DACH2: variants seen among roughly 807,000 people sequenced by gnomAD.
DACH2 encodes dachshund homolog 2.
DACH2 carries 17 observed loss-of-function variants against 35.8 expected under a neutral mutation model. The observed-to-expected ratio is 0.48, with a 90% CI of 0.33 to 0.71. The LOEUF is 0.71. Ranked by LOEUF, DACH2 falls within the 30% of genes least tolerant of loss-of-function variation. DACH2 has a pLI of 0.02. For missense variants in DACH2, 469 were observed against 472.7 expected (o/e 0.99, Z 0.07); for synonymous variants, 195 against 177.3 (o/e 1.10, Z -0.79).
chrX:86,685,859 T>G (rs1230558423), intron 4 of DACH2, among the ~76,000 whole-genome samples: 1 of 111,410 alleles, frequency 9.0e-6, no homozygotes, highest in Non-Finnish European at 1.9e-5. Flanking sequence ...CCCATGATCC[T>G]AACACCTTCC....
intron 1 of DACH2, among the ~76,000 whole-genome samples, chrX:86,206,123 A>G (rs775844841): frequency 7.6e-4 from 85 of 111,448 alleles, no homozygotes; most frequent in Non-Finnish European, 1.3e-3. Context: ...TGTGTGAAGA[A>G]CCAAACCCTG....
At chrX:86,699,644 G>A (rs2041116222) in intron 5 of DACH2, among the ~76,000 whole-genome samples, 1 of 111,452 alleles carries the variant, frequency 9.0e-6, no homozygotes, top group East Asian at 2.8e-4. Flanking sequence ...TGGGGAAACA[G>A]AGCCAAACCA....
chrX:86,187,310 T>A (rs1214192096), intron 1 of DACH2, among the ~76,000 whole-genome samples: 1 of 111,528 alleles, frequency 9.0e-6, no homozygotes, highest in East Asian at 2.8e-4. Context: ...TTAGATATAA[T>A]CTCTATTTCA....
chrX:86,322,125 A>T (rs1322278848), intron 1 of DACH2, among the ~76,000 whole-genome samples: 1 of 110,943 alleles, frequency 9.0e-6, no homozygotes, highest in African/African-American at 3.3e-5. Flanking sequence ...GCCTGATTTG[A>T]TTGCTAAGAG....
chrX:86,542,496 C>A (rs1305524475), intron 3 of DACH2, among the ~76,000 whole-genome samples: 2 of 111,685 alleles, frequency 1.8e-5, no homozygotes, highest in African/African-American at 6.5e-5. Context: ...CCTTTGATCT[C>A]CTGCCATGTT....
intron 1 of DACH2, among the ~76,000 whole-genome samples, chrX:86,202,194 C>T (rs1371619663): frequency 9.0e-6 from 1 of 111,278 alleles, no homozygotes; most frequent in Non-Finnish European, 1.9e-5. Flanking sequence ...ATAATGGCGT[C>T]TATTCTGGAA....
At chrX:86,355,916 A>G (rs760276571) in intron 1 of DACH2, among the ~76,000 whole-genome samples, 9 of 110,802 alleles carry the variant, frequency 8.1e-5, no homozygotes, top group Admixed American at 2.9e-4. Context: ...TAAGTTCCTT[A>G]TAGATTCTAA....
intron 1 of DACH2, among the ~76,000 whole-genome samples, chrX:86,311,859 A>G (rs993516409): frequency 9.0e-6 from 1 of 111,536 alleles, no homozygotes. Context: ...CTACTCCACA[A>G]TAGAGGTAAG....
intron 7 of DACH2, among the ~76,000 whole-genome samples, chrX:86,776,239 C>T (rs1002455156): frequency 3.6e-5 from 4 of 111,128 alleles, no homozygotes; most frequent in African/African-American, 1.3e-4. Context: ...CTCAAGAGTC[C>T]AAGATTAAGG....
At chrX:86,801,201 C>T (rs895402707) in intron 7 of DACH2, among the ~76,000 whole-genome samples, 3 of 104,789 alleles carry the variant, frequency 2.9e-5, no homozygotes, top group Non-Finnish European at 5.8e-5. Context: ...CACGTGATGG[C>T]TCAGTGCATC....
intron 2 of DACH2, among the ~76,000 whole-genome samples, chrX:86,401,632 A>G (rs1366368752): frequency 9.1e-6 from 1 of 109,975 alleles, no homozygotes; most frequent in African/African-American, 3.3e-5. Context: ...TATTTATTAC[A>G]TTATTCATGA....
At chrX:86,449,878 C>T (rs892722890) in intron 2 of DACH2, among the ~76,000 whole-genome samples, 5 of 111,193 alleles carry the variant, frequency 4.5e-5, no homozygotes, top group Non-Finnish European at 7.6e-5. Context: ...TTAACAGTTT[C>T]GTCTTTTTAC....
At chrX:86,603,267 G>T (rs1457701453) in intron 3 of DACH2, among the ~76,000 whole-genome samples, 4 of 110,921 alleles carry the variant, frequency 3.6e-5, no homozygotes, top group Non-Finnish European at 7.6e-5. Flanking sequence ...ATCTTAACTT[G>T]ATTACCTCTA....
At chrX:86,370,413 G>A (rs1357060423) in intron 1 of DACH2, among the ~76,000 whole-genome samples, 1 of 111,778 alleles carries the variant, frequency 8.9e-6, no homozygotes, top group Non-Finnish European at 1.9e-5. Context: ...GGCTTCTGAA[G>A]CATTTCTTTA....
intron 4 of DACH2, among the ~76,000 whole-genome samples, chrX:86,689,722 G>T (rs1217963606): frequency 9.0e-6 from 1 of 111,609 alleles, no homozygotes; most frequent in African/African-American, 3.2e-5. Flanking sequence ...TATATGTTTT[G>T]TTGTAGCTAG....
chrX:86,636,137 G>T (rs1036779449), intron 3 of DACH2, among the ~76,000 whole-genome samples: 1 of 111,012 alleles, frequency 9.0e-6, no homozygotes, highest in Non-Finnish European at 1.9e-5. Flanking sequence ...CTGTATTACA[G>T]GGCTACATTA....
intron 2 of DACH2, among the ~76,000 whole-genome samples, chrX:86,466,820 T>C (rs780979829): frequency 9.0e-6 from 1 of 111,337 alleles, no homozygotes; most frequent in Admixed American, 9.5e-5. Context: ...GCTTGCACCC[T>C]CTGAAGCCAC....
chrX:86,245,532 C>T (rs932797516), intron 1 of DACH2, among the ~76,000 whole-genome samples: 8 of 111,676 alleles, frequency 7.2e-5, no homozygotes, highest in Admixed American at 1.9e-4. Context: ...GTACTAGCCC[C>T]GCGAGGTTAT....
intron 3 of DACH2, among the ~76,000 whole-genome samples, chrX:86,540,165 G>A (rs138116682): frequency 2.9e-4 from 33 of 111,880 alleles, no homozygotes; most frequent in African/African-American, 7.5e-4. Flanking sequence ...TAGAGAATGC[G>A]TTGGATTCAT....
Sources: allele counts gnomAD v4.1 joint callset (sites outside exome capture counted in the v4.1 genomes callset), GRCh38; gene constraint gnomAD v4.1.1; transcripts MANE v1.5; gene names NCBI Gene and HGNC (gene_info 2026-07-23, HGNC 2026-07-21).